Variants in ASCC3 observed in about 807,000 individuals in gnomAD.
ASCC3 encodes the protein activating signal cointegrator 1 complex subunit 3, also known as ASC-1 complex subunit P200.
A neutral mutation model predicts 256.3 loss-of-function variants in ASCC3; 158 were observed. The ratio of observed to expected loss-of-function variants is 0.62; its 90% CI spans 0.54 to 0.70. The LOEUF (loss-of-function observed/expected upper bound fraction) is 0.70. ASCC3 is among the 30% of genes least tolerant of loss of function. The pLI is 0.00. For missense variants in ASCC3, 2,259 were observed against 2,626.0 expected (o/e 0.86, Z 3.05); for synonymous variants, 948 against 883.4 (o/e 1.07, Z -1.30).
chr6:100,819,938 T>A (rs536998455), intron 4 of ASCC3, among the ~76,000 whole-genome samples: 77 of 151,816 alleles, frequency 5.1e-4, no homozygotes, highest in Non-Finnish European at 1.0e-3. Flanking sequence ...ACAAAGGAAG[T>A]ATAAGAGTTC....
chr6:100,621,846 C>T (rs1424363922), intron 30 of ASCC3, among the ~76,000 whole-genome samples: 1 of 152,144 alleles, frequency 6.6e-6, no homozygotes, highest in Non-Finnish European at 1.5e-5. Context: ...CCCAAATGCC[C>T]ATCAGTGATA....
At position 100,743,510 on chromosome 6, in the gene ASCC3, C is replaced by A. The variant is rs894720840; in HGVS notation, c.1738-17807G>T. On this transcript the variant is annotated intron_variant, in intron 10 of 41. Coordinates refer to ENST00000369162, the MANE Select transcript of ASCC3 (RefSeq NM_006828.4). Reference sequence around the variant, plus strand: ...CGGACTCTCCTATCAAAACAGGCCACCTTTTACTCCCTTATCTCCCATAAG... The same window carrying A: ...CGGACTCTCCTATCAAAACAGGCCAACTTTTACTCCCTTATCTCCCATAAG... 3.9e-5 allele frequency among the ~76,000 whole-genome samples: 6 copies of A among 152,240 alleles called. No individual in the cohort carries two copies. The East Asian group carries it at 1.2e-3, about 29-fold the overall frequency.
At chr6:100,680,769 G>A (rs1777259797) in intron 13 of ASCC3, among the ~76,000 whole-genome samples, 1 of 151,954 alleles carries the variant, frequency 6.6e-6, no homozygotes, top group African/African-American at 2.4e-5. Flanking sequence ...AAGCAACTTG[G>A]ATGTCCTAAT....
chr6:100,519,059 T>C (rs1774174506), intron 37 of ASCC3, among the ~76,000 whole-genome samples: 1 of 152,160 alleles, frequency 6.6e-6, no homozygotes. Flanking sequence ...GTTAGTGGAC[T>C]TTTAGAAATA....
intron 8 of ASCC3, among the ~76,000 whole-genome samples, chr6:100,769,716 T>C (rs1231548957): frequency 1.3e-5 from 2 of 151,598 alleles, no homozygotes; most frequent in East Asian, 3.8e-4. Context: ...TCAGGAAAAA[T>C]AAGAGAAGAC....
intron 4 of ASCC3, among the ~76,000 whole-genome samples, chr6:100,842,907 A>G (rs1772214177): frequency 6.6e-6 from 1 of 152,076 alleles, no homozygotes; most frequent in African/African-American, 2.4e-5. Flanking sequence ...CCCAGGAGTT[A>G]CAGGTTATAG....
intron 1 of ASCC3, among the ~76,000 whole-genome samples, chr6:100,876,182 T>C (rs1392803689): frequency 6.6e-6 from 1 of 152,100 alleles, no homozygotes; most frequent in Non-Finnish European, 1.5e-5. Flanking sequence ...GAAGTGCATA[T>C]GGTTATAACA....
At chr6:100,872,811 C>T (rs1773811403) in intron 1 of ASCC3, among the ~76,000 whole-genome samples, 1 of 152,112 alleles carries the variant, frequency 6.6e-6, no homozygotes, top group Non-Finnish European at 1.5e-5. Context: ...GCTTGGCTCT[C>T]AGGAAGCCAT....
At chr6:100,589,903 A>C in intron 35 of ASCC3, 45 bp downstream of exon 35, 1 of 1,595,598 alleles carries the variant, frequency 6.3e-7, no homozygotes. Context: ...CCTGTCAAAA[A>C]GCTGGGCAAT....
chr6:100,671,032 T>C (rs1227057030), intron 14 of ASCC3, among the ~76,000 whole-genome samples: 1 of 152,018 alleles, frequency 6.6e-6, no homozygotes, highest in Non-Finnish European at 1.5e-5. Context: ...GACCTCCTTG[T>C]TATATTACTA....
chr6:100,589,962 T>A lies in ASCC3; in HGVS notation c.5401A>T (p.Ile1801Phe). Residue 1801 changes from isoleucine (I) to phenylalanine (F), a missense_variant, in exon 35 of 42, where the codon ATT becomes TTT. Ile to Phe is a conservative substitution (Grantham distance 21, BLOSUM62 0). Around this residue, in one of 2 missense-constraint regions of ASCC3, gnomAD observed 1,839 missense variants for 2,206.7 expected, o/e 0.83. Transcript: ENST00000369162. ...SLIELELSYC[I>F]EIGEDNRSIE... ...CTAAGTCATACCTCTCCAATTTCAA[T>A]ACAGTAGGAAAGTTCCAATTCAATC... 1 of 1,612,332 alleles carries A rather than the reference T, an allele frequency of 6.2e-7. No individual in the cohort carries two copies. Among genetic ancestry groups the A allele is most frequent in the Non-Finnish European group, 8.5e-7 (1 of 1,178,548 alleles).
chr6:100,832,541 T>G (rs992123050), intron 4 of ASCC3, among the ~76,000 whole-genome samples: 2 of 151,964 alleles, frequency 1.3e-5, no homozygotes, highest in African/African-American at 4.8e-5. Context: ...GCCAGTAAAT[T>G]TAATTATACA....
intron 14 of ASCC3, among the ~76,000 whole-genome samples, chr6:100,670,147 T>A (rs770830183): frequency 8.5e-5 from 13 of 152,118 alleles, no homozygotes; most frequent in South Asian, 4.1e-4. Flanking sequence ...AAATAGCCAA[T>A]GTAAAAAATG....
At chr6:100,517,111 G>C (rs1388532344) in intron 38 of ASCC3, among the ~76,000 whole-genome samples, 2 of 151,966 alleles carry the variant, frequency 1.3e-5, no homozygotes, top group African/African-American at 4.8e-5. Context: ...TAGTTTCTAG[G>C]GACATCCCAT....
chr6:100,801,891 T>TA (rs1377234467), intron 5 of ASCC3, among the ~76,000 whole-genome samples: 1 of 150,520 alleles, frequency 6.6e-6, no homozygotes, highest in African/African-American at 2.5e-5. Flanking sequence ...GCAGAATGTT[T>TA]AAAAATGTAT....
chr6:100,700,162 A>G (rs984408263), intron 13 of ASCC3, among the ~76,000 whole-genome samples: 9 of 152,034 alleles, frequency 5.9e-5, no homozygotes, highest in Non-Finnish European at 1.0e-4. Flanking sequence ...CTAGGAGGAA[A>G]AAGTGGTTTT....
chr6:100,665,730 A>T (rs1776436813), intron 14 of ASCC3, among the ~76,000 whole-genome samples: 1 of 142,238 alleles, frequency 7.0e-6, no homozygotes. Context: ...ACAGAGTGAG[A>T]CTCTGTCTCA....
intron 37 of ASCC3, chr6:100,530,413 A>G: frequency 1.0e-6 from 1 of 985,820 alleles, no homozygotes; most frequent in Non-Finnish European, 1.6e-6. Context: ...AATTTTTTCC[A>G]AAATCCTGAA....
At chr6:100,840,343 GT>G (rs1772078581) in intron 4 of ASCC3, among the ~76,000 whole-genome samples, 1 of 151,800 alleles carries the variant, frequency 6.6e-6, no homozygotes, top group African/African-American at 2.4e-5. Context: ...TTTTGTTTTT[GT>G]TTTTGACAGG....
Sources: allele counts gnomAD v4.1 joint callset (sites outside exome capture counted in the v4.1 genomes callset), GRCh38; gene constraint gnomAD v4.1.1; regional missense constraint gnomAD v4.1.1; transcripts MANE v1.5; gene names NCBI Gene and HGNC (gene_info 2026-07-23, HGNC 2026-07-21).